MAST4: variants seen among roughly 807,000 people sequenced by gnomAD.
MAST4 encodes the protein microtubule associated serine/threonine kinase family member 4, also known as microtubule-associated serine/threonine-protein kinase 4.
MAST4 carries 89 observed loss-of-function variants against 162.7 expected under a neutral mutation model. That is an observed-to-expected ratio of 0.55 (90% CI 0.46 to 0.65). The LOEUF (loss-of-function observed/expected upper bound fraction) is 0.65, where lower values mean the gene tolerates loss of function less well. Among genes scored for constraint, MAST4 ranks in the 30% least tolerant of loss-of-function variants. MAST4 has a pLI of 0.00. For missense variants in MAST4, 3,153 were observed against 3,374.0 expected (o/e 0.93, Z 1.62); for synonymous variants, 1,479 against 1,361.1 (o/e 1.09, Z -1.91).
At chr5:66,982,464 A>C (rs1449018477) in intron 4 of MAST4, among the ~76,000 whole-genome samples, 1 of 152,164 alleles carries the variant, frequency 6.6e-6, no homozygotes, top group African/African-American at 2.4e-5. Context: ...TTATTTATTA[A>C]AGTGTGTATT....
chr5:66,999,833 C>T (rs1751078176), intron 4 of MAST4, among the ~76,000 whole-genome samples: 1 of 152,168 alleles, frequency 6.6e-6, no homozygotes, highest in South Asian at 2.1e-4. Flanking sequence ...TACAACCTTG[C>T]CTATTATCTG....
intron 3 of MAST4, among the ~76,000 whole-genome samples, chr5:66,855,182 A>G (rs1387335227): frequency 6.6e-6 from 1 of 152,142 alleles, no homozygotes; most frequent in East Asian, 1.9e-4. Context: ...TGAATGGCCT[A>G]GAGCCATCCC....
intron 1 of MAST4, among the ~76,000 whole-genome samples, chr5:66,617,365 T>G (rs1275377797): frequency 6.6e-6 from 1 of 152,208 alleles, no homozygotes; most frequent in East Asian, 1.9e-4. Flanking sequence ...ATATCACCAT[T>G]TCCTGGTTAA....
At chr5:67,071,169 ACT>A (rs143817347) in intron 5 of MAST4, among the ~76,000 whole-genome samples, 3,819 of 152,208 alleles carry the variant, frequency 0.025, 134 homozygotes, top group East Asian at 0.17. Flanking sequence ...AACAAACAAA[ACT>A]CTGCTCTAGA....
chr5:66,987,881 T>C (rs899635769), intron 4 of MAST4, among the ~76,000 whole-genome samples: 6 of 152,202 alleles, frequency 3.9e-5, no homozygotes, highest in Admixed American at 1.3e-4. Flanking sequence ...TGACTATAGT[T>C]AGGACATGGA....
intron 3 of MAST4, among the ~76,000 whole-genome samples, chr5:66,884,457 T>G (rs1761908273): frequency 6.6e-6 from 1 of 152,164 alleles, no homozygotes; most frequent in African/African-American, 2.4e-5. Flanking sequence ...GTATGAATAA[T>G]TCATATTGGA....
chr5:66,797,542 T>C (rs1755710792), intron 3 of MAST4, among the ~76,000 whole-genome samples: 1 of 152,200 alleles, frequency 6.6e-6, no homozygotes, highest in Non-Finnish European at 1.5e-5. Context: ...GATTCCCTCT[T>C]ATTTGACTAG....
rs530561340 is a variant in MAST4, at chr5:66,744,385, G to T, written c.364-15324G>T. ...AACAGCTCGTTTTCCCTCTTAATAT[G>T]AAGTCATGAAATGAATATTAATTTT... On this transcript the variant is annotated intron_variant, in intron 1 of 28. Transcript: ENST00000403625. 3.3e-4 allele frequency among the ~76,000 whole-genome samples: 51 copies of T among 152,270 alleles called. No homozygotes were observed. In the South Asian group the frequency reaches 0.01, roughly 31 times the overall value.
chr5:67,089,601 G>C (rs373046346), intron 5 of MAST4, among the ~76,000 whole-genome samples: 4 of 152,298 alleles, frequency 2.6e-5, no homozygotes, highest in East Asian at 3.9e-4. Flanking sequence ...TTGAGAAATA[G>C]GTCCAAACTG....
Position 67,015,635 on chromosome 5 carries a change from A to G in MAST4, c.675-38769A>G, listed in dbSNP as rs115802536. Among the ~76,000 whole-genome samples, 431 of 152,336 alleles carry G rather than the reference A, an allele frequency of 2.8e-3. 1 individual carries two copies. Among genetic ancestry groups the G allele is most frequent in the Non-Finnish European group, 4.6e-3 (313 of 68,036 alleles). On this transcript the variant is annotated intron_variant, in intron 4 of 28. Coordinates refer to ENST00000403625, the MANE Select transcript of MAST4 (RefSeq NM_001164664.2). Reference sequence around the variant, plus strand: ...GGAGTAGTTCCGAGTCCCGAAGGCTATATATCTCCACTTTCAGTTCCTTTT... The same window carrying G: ...GGAGTAGTTCCGAGTCCCGAAGGCTGTATATCTCCACTTTCAGTTCCTTTT...
intron 1 of MAST4, among the ~76,000 whole-genome samples, chr5:66,739,934 T>C (rs1345764163): frequency 6.6e-6 from 1 of 151,986 alleles, no homozygotes; most frequent in African/African-American, 2.4e-5. Context: ...TTGAAGTTTG[T>C]TGTGAATGAT....
chr5:66,970,385 A>G (rs1012954963), intron 4 of MAST4, among the ~76,000 whole-genome samples: 2 of 152,206 alleles, frequency 1.3e-5, no homozygotes, highest in Non-Finnish European at 2.9e-5. Flanking sequence ...GAAATATAGT[A>G]TTTTTAAAAT....
At chr5:66,923,756 G>A (rs897661296) in intron 4 of MAST4, among the ~76,000 whole-genome samples, 6 of 152,108 alleles carry the variant, frequency 3.9e-5, no homozygotes, top group Admixed American at 3.9e-4. Context: ...AACCCTGCCT[G>A]CTGACCTTAA....
At chr5:67,033,211 TGATAACACTTTTTAAAAAGTG>T (rs1755568442) in intron 4 of MAST4, among the ~76,000 whole-genome samples, 1 of 151,702 alleles carries the variant, frequency 6.6e-6, no homozygotes, top group Non-Finnish European at 1.5e-5. Flanking sequence ...CTTGCTGACT[TGATAACACTTTTTAAAAAGTG>T]GCAGCTATTA....
chr5:66,973,928 TCTTTAAG>T (rs1348531338), intron 4 of MAST4, among the ~76,000 whole-genome samples: 1 of 152,160 alleles, frequency 6.6e-6, no homozygotes, highest in Non-Finnish European at 1.5e-5. Context: ...AAGCAGAAGC[TCTTTAAG>T]CTGGCTCCTG....
At chr5:67,064,894 A>G (rs1305221472) in intron 5 of MAST4, among the ~76,000 whole-genome samples, 1 of 152,252 alleles carries the variant, frequency 6.6e-6, no homozygotes, top group Non-Finnish European at 1.5e-5. Context: ...CTGAGATAGG[A>G]TAATCTTTTT....
chr5:67,140,239 A>G (rs900190210), intron 19 of MAST4, among the ~76,000 whole-genome samples: 15 of 152,198 alleles, frequency 9.9e-5, no homozygotes, highest in African/African-American at 3.4e-4. Flanking sequence ...GGCTTTCCCT[A>G]CCCAACACCC....
Position 66,939,428 on chromosome 5 carries a change from A to G in MAST4, c.674+39446A>G, listed in dbSNP as rs185687472. 1.5e-4 allele frequency among the ~76,000 whole-genome samples: 23 copies of G among 152,272 alleles called. 1 individual carries two copies. The highest frequency in any genetic ancestry group is 1.3e-3 in the Admixed American group (20 of 15,294). On this transcript the variant is annotated intron_variant, in intron 4 of 28. Coordinates refer to ENST00000403625, the MANE Select transcript of MAST4 (RefSeq NM_001164664.2). Reference sequence around the variant, plus strand: ...AAATATGTATTTTAACAATGTTTATATTTTGCCAATTTCTGTGTAAAGTGA... The same window carrying G: ...AAATATGTATTTTAACAATGTTTATGTTTTGCCAATTTCTGTGTAAAGTGA...
intron 7 of MAST4, among the ~76,000 whole-genome samples, chr5:67,099,356 CCT>C (rs1764778749): frequency 6.6e-6 from 1 of 151,412 alleles, no homozygotes; most frequent in Admixed American, 6.6e-5. Context: ...TATAAAAATT[CCT>C]CTTTGTCTCA....
Sources: gnomAD v4.1 joint callset for allele counts (sites outside exome capture counted in the v4.1 genomes callset) on GRCh38, gnomAD v4.1.1 for gene constraint, MANE v1.5 for transcripts, NCBI Gene and HGNC (gene_info 2026-07-23, HGNC 2026-07-21) for gene names.